The following TUT4 variants were observed in gnomAD, a reference collection of about 807,000 sequenced individuals.
The protein encoded by TUT4 is terminal uridylyl transferase 4, also known as terminal uridylyltransferase 4.
In TUT4, 36 loss-of-function variants were observed where a neutral mutation model predicts 192.2. The ratio of observed to expected loss-of-function variants is 0.19; its 90% CI spans 0.14 to 0.25. TUT4 has a LOEUF of 0.25. TUT4 is among the 10% of genes least tolerant of loss of function. The probability of loss-of-function intolerance (pLI) is 1.00; values close to 1 mark genes in which losing one functional copy is unlikely to be tolerated. For missense variants in TUT4, 1,493 were observed against 1,957.2 expected (o/e 0.76, Z 4.47); for synonymous variants, 618 against 666.0 (o/e 0.93, Z 1.11).
At chr1:52,517,608 G>C (rs1291471478) in intron 2 of TUT4, among the ~76,000 whole-genome samples, 1 of 152,180 alleles carries the variant, frequency 6.6e-6, no homozygotes, top group Non-Finnish European at 1.5e-5. Flanking sequence ...GGCAAACTCA[G>C]ATAAGGATGT....
In TUT4 at chr1:52,525,614, C is replaced by T. The variant is rs1209880901; in HGVS notation, c.667G>A (p.Gly223Ser). ...QKQQTCTDNT[G>S]DSDDSASGIE... The stretch of plus-strand genomic sequence containing the variant: ...CCTGAAGCACTATCATCAGAATCAC[C>T]AGTATTATCTGTACATGTCTGTTGC... The change falls in exon 2 of 30, where the codon GGT (glycine) becomes AGT (serine). Residue 223 changes from glycine (G) to serine (S), a missense_variant. Transcript: ENST00000257177. 8 of 1,613,682 alleles carry T rather than the reference C, an allele frequency of 5.0e-6. No homozygotes were observed. The South Asian group carries it at 7.7e-5, about 16-fold the overall frequency.
chr1:52,546,112 T>C (rs1057212527), intron 1 of TUT4, among the ~76,000 whole-genome samples: 2 of 152,160 alleles, frequency 1.3e-5, no homozygotes, highest in Admixed American at 1.3e-4. Flanking sequence ...GCACTCCAGC[T>C]TGGGAGACAG....
At chr1:52,433,985 T>C (rs908981776) in intron 27 of TUT4, 1 of 152,234 alleles carries the variant, frequency 6.6e-6, no homozygotes, top group Admixed American at 6.5e-5. Context: ...TGTTAAAAAC[T>C]GTTAAAGCCT....
intron 3 of TUT4, among the ~76,000 whole-genome samples, chr1:52,512,519 C>T (rs1677465220): frequency 6.6e-6 from 1 of 152,198 alleles, no homozygotes; most frequent in African/African-American, 2.4e-5. Flanking sequence ...TGTGCACAGT[C>T]TAATTACCAA....
Position 52,436,878 on chromosome 1 carries a change from G to C in TUT4, c.4039C>G (p.His1347Asp). The part of the protein sequence containing the change: ...SRDVLDPRDL[H>D]DTRDFRDPRD... ...GGGTCTCTAAAGTCTCGAGTATCGT[G>C]GAGGTCTCGGGGGTCAAGAACATCT... is the stretch of plus-strand genomic sequence containing the variant. Residue 1347 changes from histidine to aspartate, a missense_variant, in exon 26 of 30, where the codon CAC becomes GAC. Transcript: ENST00000257177. 6.2e-7 allele frequency: 1 copy of C among 1,613,796 alleles called. No homozygotes were observed. The highest frequency in any genetic ancestry group is 2.2e-5 in the East Asian group (1 of 44,870).
chr1:52,523,365 G>T (rs1680819855), intron 2 of TUT4, among the ~76,000 whole-genome samples: 1 of 152,022 alleles, frequency 6.6e-6, no homozygotes, highest in South Asian at 2.1e-4. Context: ...CAGCACTTTG[G>T]GAGGTCAAGG....
chr1:52,518,965 T>C (rs1166035438), intron 2 of TUT4, among the ~76,000 whole-genome samples: 4 of 152,180 alleles, frequency 2.6e-5, no homozygotes, highest in Non-Finnish European at 5.9e-5. Context: ...TACATGTATT[T>C]ATCACCAAAA....
intron 18 of TUT4, 142 bp from the exon 19 acceptor site, chr1:52,461,365 T>A (rs1662494772): frequency 1.8e-6 from 2 of 1,090,602 alleles, no homozygotes; most frequent in Non-Finnish European, 2.6e-6. Context: ...AAACAAAAAC[T>A]GACCTTCAAT....
chr1:52,504,574 G>C (rs1468125781), intron 4 of TUT4, among the ~76,000 whole-genome samples: 1 of 152,174 alleles, frequency 6.6e-6, no homozygotes, highest in East Asian at 1.9e-4. Flanking sequence ...AGGTTGTAGT[G>C]AGATGAGATA....
chr1:52,478,080 C>T (rs1229191891), intron 11 of TUT4, among the ~76,000 whole-genome samples, 198 bp from the exon 12 acceptor site: 1 of 152,126 alleles, frequency 6.6e-6, no homozygotes, highest in African/African-American at 2.4e-5. Flanking sequence ...TGCATTCTTT[C>T]CACTGAACCA....
At chr1:52,502,609 CTTT>C (rs919559320) in intron 4 of TUT4, among the ~76,000 whole-genome samples, 67 of 82,120 alleles carry the variant, frequency 8.2e-4, no homozygotes, top group South Asian at 1.0e-3. Context: ...TCTTAGCCCT[CTTT>C]TTTTTTTTTT....
chr1:52,515,998 C>T lies in TUT4; in HGVS notation c.775G>A (p.Glu259Lys), dbSNP rs1165938231. The T allele has an allele frequency of 1.5e-5, 24 of 1,613,434 alleles. No individual in the cohort carries two copies. Among genetic ancestry groups the T allele is most frequent in the Non-Finnish European group, 1.9e-5 (22 of 1,179,862 alleles). The part of the protein sequence containing the change: ...KENSSEMDYL[E>K]NATVIDESAL... ...GATTCATCTATCACAGTGGCATTTT[C>T]TAAGTAGTCCATCTCTGAAGAATTT... Residue 259 changes from glutamate to lysine, a missense_variant, in exon 3 of 30, where the codon GAA becomes AAA. Physicochemically the swap from Glu to Lys is moderately conservative, Grantham distance 56. This residue lies in a region of TUT4 where 437 missense variants were observed against 577.6 expected (regional missense o/e 0.76). Coordinates refer to ENST00000257177, the MANE Select transcript of TUT4 (RefSeq NM_001009881.3).
chr1:52,505,972 C>G (rs1456357839), intron 4 of TUT4, among the ~76,000 whole-genome samples: 1 of 151,864 alleles, frequency 6.6e-6, no homozygotes, highest in African/African-American at 2.4e-5. Context: ...GCATGAGCCA[C>G]GATGCCCAGC....
chr1:52,454,535 T>C (rs897283527), intron 20 of TUT4, among the ~76,000 whole-genome samples: 1 of 152,094 alleles, frequency 6.6e-6, no homozygotes, highest in African/African-American at 2.4e-5. Flanking sequence ...CGCAAAACAA[T>C]GAATCTAGGC....
intron 19 of TUT4, among the ~76,000 whole-genome samples, chr1:52,459,235 G>A (rs1404358573): frequency 2.6e-5 from 4 of 151,522 alleles, no homozygotes; most frequent in South Asian, 2.1e-4. Context: ...GCAGTGAGCC[G>A]AGATAGCACC....
At chr1:52,441,582 C>T (rs934673991) in intron 24 of TUT4, among the ~76,000 whole-genome samples, 10 of 151,380 alleles carry the variant, frequency 6.6e-5, no homozygotes, top group Admixed American at 2.0e-4. Context: ...CATGAGCCAC[C>T]GCGCCTGGCC....
In TUT4 at chr1:52,468,259, A is replaced by G. The variant is rs1420382992; in HGVS notation, c.2887T>C (p.Ser963Pro). The change falls in exon 15 of 30, where the codon TCA becomes CCA. Residue 963 changes from serine to proline, a missense_variant. By Grantham distance (74) the Ser-to-Pro change is moderately conservative (BLOSUM62 -1). Coordinates refer to ENST00000257177, the MANE Select transcript of TUT4 (RefSeq NM_001009881.3). ...LVCKRCFDEL[S>P]PPCSEQHNRE... ...TTGTGTTGTTCAGAACAAGGTGGTG[A>G]TAACTCATCTGGGTTTATAAAAAGA... 6.3e-7 allele frequency: 1 copy of G among 1,595,326 alleles called. No individual in the cohort carries two copies. Among genetic ancestry groups the G allele is most frequent in the Admixed American group, 1.8e-5 (1 of 54,092 alleles).
intron 19 of TUT4, among the ~76,000 whole-genome samples, chr1:52,459,308 G>A (rs1661857889): frequency 6.6e-6 from 1 of 151,520 alleles, no homozygotes; most frequent in African/African-American, 2.4e-5. Context: ...GAACAAGGAA[G>A]CCAGACATGG....
At chr1:52,539,217 T>C (rs991584868) in intron 1 of TUT4, among the ~76,000 whole-genome samples, 3 of 152,176 alleles carry the variant, frequency 2.0e-5, no homozygotes. Context: ...TTGAATGATA[T>C]GAATAGGAGC....
Sources: allele counts gnomAD v4.1 joint callset (sites outside exome capture counted in the v4.1 genomes callset), GRCh38; gene constraint gnomAD v4.1.1; regional missense constraint gnomAD v4.1.1; transcripts MANE v1.5; gene names NCBI Gene and HGNC (gene_info 2026-07-23, HGNC 2026-07-21).